CSMD1: variants seen among roughly 807,000 people sequenced by gnomAD.
The protein encoded by CSMD1 is CUB and Sushi multiple domains 1, also known as CUB and sushi domain-containing protein 1.
In CSMD1, 213 loss-of-function variants were observed where a neutral mutation model predicts 417.5. The observed-to-expected ratio is 0.51, with a 90% CI of 0.46 to 0.57. The LOEUF (loss-of-function observed/expected upper bound fraction) is 0.57, where lower values mean the gene tolerates loss of function less well. Among genes scored for constraint, CSMD1 ranks in the 20% least tolerant of loss-of-function variants. CSMD1 has a pLI of 0.00. For synonymous variants in CSMD1, 2,862 were observed against 1,736.8 expected (o/e 1.65, Z -16.11); for missense variants, 6,923 against 4,529.7 (o/e 1.53, Z -15.17).
At chr8:3,799,433 T>C (rs542704047) in intron 5 of CSMD1, among the ~76,000 whole-genome samples, 2 of 123,518 alleles carry the variant, frequency 1.6e-5, no homozygotes, top group South Asian at 5.8e-4. Context: ...TGTGTGATGT[T>C]CCCCTTCTTG....
At chr8:4,961,844 G>A (rs1056963931) in intron 1 of CSMD1, among the ~76,000 whole-genome samples, 1 of 151,902 alleles carries the variant, frequency 6.6e-6, no homozygotes, top group Non-Finnish European at 1.5e-5. Context: ...TGTTGTCCAC[G>A]TCTTGATTTC....
chr8:4,545,619 G>C (rs78478189), intron 2 of CSMD1, among the ~76,000 whole-genome samples: 1 of 152,132 alleles, frequency 6.6e-6, no homozygotes, highest in Non-Finnish European at 1.5e-5. Context: ...AGAAAAAGTG[G>C]TTGGCTGGTT....
intron 3 of CSMD1, among the ~76,000 whole-genome samples, chr8:4,094,181 C>A (rs1487640607): frequency 6.6e-6 from 1 of 151,966 alleles, no homozygotes; most frequent in Non-Finnish European, 1.5e-5. Flanking sequence ...GGTGAGCACT[C>A]TTTGGAGCCA....
intron 5 of CSMD1, among the ~76,000 whole-genome samples, chr8:3,956,621 G>A (rs145997299): frequency 6.6e-6 from 1 of 152,164 alleles, no homozygotes; most frequent in African/African-American, 2.4e-5. Flanking sequence ...CTGATAACAA[G>A]ACTAAAATGT....
chr8:3,820,699 C>G (rs529446182), intron 5 of CSMD1, among the ~76,000 whole-genome samples: 1 of 152,170 alleles, frequency 6.6e-6, no homozygotes, highest in Admixed American at 6.5e-5. Flanking sequence ...CCTTAGCCTC[C>G]TGAGTAGCTG....
At chr8:3,312,049 T>G (rs145139931) in intron 23 of CSMD1, among the ~76,000 whole-genome samples, 1,969 of 152,312 alleles carry the variant, frequency 0.013, 39 homozygotes, top group African/African-American at 0.044. Context: ...TCCTCTACCC[T>G]AAAACTTGCA....
intron 1 of CSMD1, among the ~76,000 whole-genome samples, chr8:4,804,091 C>A (rs1200881109): frequency 6.6e-6 from 1 of 152,144 alleles, no homozygotes; most frequent in East Asian, 1.9e-4. Flanking sequence ...GTTATTTGTT[C>A]AACCATTAAA....
chr8:3,440,797 G>T (rs1418102722), intron 12 of CSMD1, among the ~76,000 whole-genome samples: 1 of 152,068 alleles, frequency 6.6e-6, no homozygotes, highest in Admixed American at 6.6e-5. Context: ...TTGTTGTTTT[G>T]TAAGTGCTCT....
At chr8:3,732,240 C>T (rs1796311230) in intron 6 of CSMD1, among the ~76,000 whole-genome samples, 1 of 152,146 alleles carries the variant, frequency 6.6e-6, no homozygotes, top group Admixed American at 6.5e-5. Context: ...CGAGGCCACC[C>T]TGCAGGGCAA....
rs1819826560 is a variant in CSMD1, at chr8:3,160,626, G to T, written c.5844+1533C>A. On this transcript the variant is annotated intron_variant, in intron 38 of 69. Transcript: ENST00000635120. ...TTACAATTATTGTGGTACCCACCAAGATGGTGTTATAATGTAAGTGGTAGG... is the reference window on the plus strand; with the variant it reads ...TTACAATTATTGTGGTACCCACCAATATGGTGTTATAATGTAAGTGGTAGG... Among the ~76,000 whole-genome samples, 3 of 152,344 alleles carry T rather than the reference G, an allele frequency of 2.0e-5. No homozygotes were observed. In the South Asian group the frequency reaches 6.2e-4, roughly 32 times the overall value.
At chr8:3,830,097 T>C (rs1307278777) in intron 5 of CSMD1, among the ~76,000 whole-genome samples, 2 of 152,344 alleles carry the variant, frequency 1.3e-5, no homozygotes, top group East Asian at 3.9e-4. Flanking sequence ...GTGCCCGTTT[T>C]CTTGACCCTA....
chr8:3,714,561 CAAAAAAA>C (rs61494901), intron 6 of CSMD1, among the ~76,000 whole-genome samples: 1 of 70,554 alleles, frequency 1.4e-5, no homozygotes, highest in Non-Finnish European at 2.5e-5. Context: ...ATCTCTATCC[CAAAAAAA>C]AAAAAAAAAA....
At chr8:3,154,112 G>A (rs34818090) in intron 39 of CSMD1, among the ~76,000 whole-genome samples, 10,019 of 152,128 alleles carry the variant, frequency 0.066, 432 homozygotes, top group Middle Eastern at 0.13. Context: ...GATTACAGGC[G>A]CCCACAACTG....
At chr8:4,179,233 T>C (rs990578973) in intron 3 of CSMD1, among the ~76,000 whole-genome samples, 6 of 151,916 alleles carry the variant, frequency 3.9e-5, no homozygotes, top group Admixed American at 2.0e-4. Flanking sequence ...AACAGAGATA[T>C]AAATCAATGG....
chr8:4,050,314 C>A (rs1040803460), intron 3 of CSMD1, among the ~76,000 whole-genome samples: 1 of 151,980 alleles, frequency 6.6e-6, no homozygotes, highest in African/African-American at 2.4e-5. Context: ...TTAAGGAATA[C>A]GAAAGGAGGC....
chr8:4,806,520 C>T (rs1160268960), intron 1 of CSMD1, among the ~76,000 whole-genome samples: 1 of 152,200 alleles, frequency 6.6e-6, no homozygotes, highest in Non-Finnish European at 1.5e-5. Context: ...TCCTCTGGAG[C>T]TCTTTTCCTG....
chr8:3,722,851 T>G (rs1380294153), intron 6 of CSMD1, among the ~76,000 whole-genome samples: 1 of 152,196 alleles, frequency 6.6e-6, no homozygotes, highest in African/African-American at 2.4e-5. Context: ...TTCCCCGATT[T>G]CAGGGATGAA....
intron 5 of CSMD1, among the ~76,000 whole-genome samples, chr8:3,844,904 T>A (rs537986067): frequency 6.6e-6 from 1 of 152,080 alleles, no homozygotes; most frequent in African/African-American, 2.4e-5. Context: ...TCAATATTTG[T>A]CTGTGCATTT....
At chr8:3,927,412 G>A (rs1037944662) in intron 5 of CSMD1, among the ~76,000 whole-genome samples, 1 of 151,882 alleles carries the variant, frequency 6.6e-6, no homozygotes, top group Admixed American at 6.6e-5. Flanking sequence ...CCTACCTGTG[G>A]TCCCAACACT....
Sources: gnomAD v4.1 joint callset for allele counts (sites outside exome capture counted in the v4.1 genomes callset) on GRCh38, gnomAD v4.1.1 for gene constraint, MANE v1.5 for transcripts, NCBI Gene and HGNC (gene_info 2026-07-23, HGNC 2026-07-21) for gene names.